Variants in FRMD4A observed in about 807,000 individuals in gnomAD.
The protein encoded by FRMD4A is FERM domain-containing protein 4A.
A neutral mutation model predicts 129.1 loss-of-function variants in FRMD4A; 29 were observed. The ratio of observed to expected loss-of-function variants is 0.22; its 90% CI spans 0.17 to 0.31. The LOEUF (loss-of-function observed/expected upper bound fraction) is 0.31, where lower values mean the gene tolerates loss of function less well. Among genes scored for constraint, FRMD4A ranks in the 10% least tolerant of loss-of-function variants. The pLI, the probability that FRMD4A is intolerant of heterozygous loss-of-function variation, is 1.00. For missense variants in FRMD4A, 1,272 were observed against 1,375.8 expected (o/e 0.92, Z 1.19); for synonymous variants, 634 against 571.6 (o/e 1.11, Z -1.56).
intron 2 of FRMD4A, among the ~76,000 whole-genome samples, chr10:13,986,849 C>G (rs1247404991): frequency 6.6e-6 from 1 of 151,846 alleles, no homozygotes; most frequent in African/African-American, 2.4e-5. Flanking sequence ...CCTAGATCAC[C>G]AGGTCTTGGT....
intron 2 of FRMD4A, among the ~76,000 whole-genome samples, chr10:14,233,887 T>C (rs1483544776): frequency 6.6e-6 from 1 of 152,234 alleles, no homozygotes; most frequent in African/African-American, 2.4e-5. Flanking sequence ...GCTAGAGAGA[T>C]GTTTCTGAAA....
At chr10:14,296,810 G>A (rs1564447959) in intron 2 of FRMD4A, among the ~76,000 whole-genome samples, 1 of 152,120 alleles carries the variant, frequency 6.6e-6, no homozygotes, top group Non-Finnish European at 1.5e-5. Context: ...TCATCTCAGG[G>A]AGGAAGAGCA....
chr10:13,948,110 G>A (rs1025060059), intron 2 of FRMD4A, among the ~76,000 whole-genome samples: 1 of 150,872 alleles, frequency 6.6e-6, no homozygotes, highest in Admixed American at 6.6e-5. Flanking sequence ...TATTGTGCAA[G>A]CAAATATGGT....
At chr10:14,052,530 C>A (rs1200863941) in intron 2 of FRMD4A, among the ~76,000 whole-genome samples, 1 of 152,052 alleles carries the variant, frequency 6.6e-6, no homozygotes, top group Non-Finnish European at 1.5e-5. Context: ...AGAGAGGAAG[C>A]AAGAGAGTGG....
At chr10:14,177,697 T>A (rs1201851073) in intron 2 of FRMD4A, among the ~76,000 whole-genome samples, 1 of 152,120 alleles carries the variant, frequency 6.6e-6, no homozygotes, top group Non-Finnish European at 1.5e-5. Flanking sequence ...TCTGAAAAAC[T>A]CCAACCATAG....
intron 2 of FRMD4A, among the ~76,000 whole-genome samples, chr10:13,959,137 C>T (rs1019773079): frequency 3.3e-5 from 5 of 152,114 alleles, no homozygotes; most frequent in Admixed American, 6.5e-5. Flanking sequence ...AGTCCCCTCT[C>T]CCTGCAACAA....
chr10:14,266,979 A>C (rs933756275), intron 2 of FRMD4A, among the ~76,000 whole-genome samples: 1 of 152,262 alleles, frequency 6.6e-6, no homozygotes, highest in Admixed American at 6.5e-5. Context: ...ATTTCTAAGA[A>C]GCATTTAAGT....
At chr10:13,852,790 C>T (rs1324507627) in intron 3 of FRMD4A, among the ~76,000 whole-genome samples, 2 of 152,014 alleles carry the variant, frequency 1.3e-5, no homozygotes, top group Non-Finnish European at 2.9e-5. Context: ...TTGCACTGGC[C>T]ACATTTTGCT....
chr10:14,143,028 T>C (rs1037575977), intron 2 of FRMD4A, among the ~76,000 whole-genome samples: 20 of 152,352 alleles, frequency 1.3e-4, no homozygotes, highest in African/African-American at 4.6e-4. Flanking sequence ...GGAATCCTTG[T>C]ACACTGTTGG....
intron 8 of FRMD4A, among the ~76,000 whole-genome samples, chr10:13,756,761 T>G (rs2091882533): frequency 6.6e-6 from 1 of 152,208 alleles, no homozygotes; most frequent in African/African-American, 2.4e-5. Context: ...GTAAGGAGAT[T>G]GGCTGATAAG....
intron 2 of FRMD4A, among the ~76,000 whole-genome samples, chr10:13,967,322 G>A (rs886759603): frequency 3.3e-5 from 5 of 152,130 alleles, no homozygotes; most frequent in Non-Finnish European, 7.4e-5. Flanking sequence ...GGGCGACAGA[G>A]CGAGACTCCG....
chr10:14,140,734 G>T (rs192751716), intron 2 of FRMD4A, among the ~76,000 whole-genome samples: 149 of 152,144 alleles, frequency 9.8e-4, no homozygotes, highest in Middle Eastern at 3.4e-3. Context: ...CAAAATCTAT[G>T]GGAATGGAGA....
chr10:13,770,143 A>C (rs11593273), intron 6 of FRMD4A, among the ~76,000 whole-genome samples: 1 of 152,162 alleles, frequency 6.6e-6, no homozygotes, highest in Non-Finnish European at 1.5e-5. Context: ...TCTATGCCTC[A>C]TTGCACAACT....
intron 23 of FRMD4A, 37 bp from the exon 24 acceptor site, chr10:13,652,011 G>C: frequency 1.8e-6 from 2 of 1,127,938 alleles, no homozygotes; most frequent in Non-Finnish European, 2.7e-6. Context: ...AGAGAAGAGA[G>C]GTCATGTTAC....
At chr10:14,002,977 G>A (rs2095648012) in intron 2 of FRMD4A, among the ~76,000 whole-genome samples, 1 of 152,156 alleles carries the variant, frequency 6.6e-6, no homozygotes, top group African/African-American at 2.4e-5. Context: ...GAAGAGGTGA[G>A]GCTGGAGGGC....
chr10:13,740,831 T>TTTG (rs1413376424), intron 9 of FRMD4A, among the ~76,000 whole-genome samples: 2 of 141,132 alleles, frequency 1.4e-5, no homozygotes, highest in South Asian at 3.0e-4. Context: ...ATGTTTGTTT[T>TTTG]TTTTTTTTTT....
chr10:14,307,983 GGCA>G (rs1846409272), intron 2 of FRMD4A, among the ~76,000 whole-genome samples: 1 of 150,840 alleles, frequency 6.6e-6, no homozygotes, highest in Non-Finnish European at 1.5e-5. Flanking sequence ...GAAGGCTGGT[GGCA>G]AAATCTGTGC....
intron 2 of FRMD4A, chr10:14,097,151 A>C (rs1392467116): frequency 1.6e-5 from 2 of 128,506 alleles, no homozygotes; most frequent in Admixed American, 8.0e-5. Context: ...CAAAAAAAAA[A>C]AAAAAAAAAA....
chr10:14,037,018 T>C (rs1833532712), intron 2 of FRMD4A, among the ~76,000 whole-genome samples: 1 of 152,206 alleles, frequency 6.6e-6, no homozygotes, highest in South Asian at 2.1e-4. Context: ...AAACAAAAAG[T>C]TAATTTCTCT....
Sources: allele counts gnomAD v4.1 joint callset (sites outside exome capture counted in the v4.1 genomes callset), GRCh38; gene constraint gnomAD v4.1.1; transcripts MANE v1.5; gene names NCBI Gene and HGNC (gene_info 2026-07-23, HGNC 2026-07-21).